The following HRH2 variants were observed in gnomAD, a reference collection of about 807,000 sequenced individuals.
HRH2 encodes histamine receptor H2.
Under a neutral mutation model 20.1 loss-of-function variants are expected in HRH2, and 4 were observed. The ratio of observed to expected loss-of-function variants is 0.20; its 90% confidence interval spans 0.10 to 0.45. The LOEUF is 0.45. HRH2 is among the 20% of genes least tolerant of loss of function. The probability of loss-of-function intolerance (pLI) is 0.99; values close to 1 mark genes in which losing one functional copy is unlikely to be tolerated. For synonymous variants in HRH2, 197 were observed against 200.7 expected (o/e 0.98, Z 0.16); for missense variants, 250 against 461.6 (o/e 0.54, Z 4.20).
chr5:175,706,298 A>T (rs968949437), intron 2 of HRH2, among the ~76,000 whole-genome samples: 1 of 152,244 alleles, frequency 6.6e-6, no homozygotes, highest in Non-Finnish European at 1.5e-5. Flanking sequence ...CATTTCATTT[A>T]AAAATATTTA....
chr5:175,709,520 AGCTGCG>A lies in HRH2; in HGVS notation c.*1550_*1555del, dbSNP rs1437413338. ...AGCGTGTCTGCAGCTGCGTGCCTGC[AGCTGCG>A]TGCCTGCCTTCTCCCTGCACCTGCT... is the stretch of plus-strand genomic sequence containing the variant. On this transcript the variant is annotated 3_prime_UTR_variant, in exon 3 of 3. Transcript: ENST00000636584. 1.4e-5 allele frequency: 2 copies of A among 141,102 alleles called. No homozygotes were observed. Among genetic ancestry groups the A allele is most frequent in the African/African-American group, 6.4e-5 (2 of 31,494 alleles). 8.7% of individuals were successfully genotyped at this position (141,102 alleles called of 1,614,324 possible).
intron 1 of HRH2, among the ~76,000 whole-genome samples, chr5:175,662,480 A>C (rs1469779485): frequency 6.6e-6 from 1 of 152,148 alleles, no homozygotes; most frequent in Non-Finnish European, 1.5e-5. Flanking sequence ...GCTGGAAGAG[A>C]AGAGCATTCC....
At chr5:175,676,329 G>C (rs776197881) in intron 1 of HRH2, among the ~76,000 whole-genome samples, 1 of 152,252 alleles carries the variant, frequency 6.6e-6, no homozygotes, top group South Asian at 2.1e-4. Context: ...ACGCCCGCAC[G>C]TGCACACACA....
rs1204025076 is a variant in HRH2, at chr5:175,687,031, T to C, written c.1076+2722T>C. ...AGGTGGTGCCTCCCAGGGTCATGCA[T>C]GCAGCCGTGGAGGCAGGGCCAGATC... On this transcript the variant is annotated intron_variant, in intron 2 of 2. Coordinates refer to ENST00000636584, the MANE Select transcript of HRH2 (RefSeq NM_001367711.1). This position sits in a 1 kb window ranked among gnomAD's most constrained non-coding sequence, Gnocchi z 5.2. Among the ~76,000 whole-genome samples the C allele has an allele frequency of 6.6e-6, 1 of 152,036 alleles. No individual in the cohort carries two copies. The highest frequency in any genetic ancestry group is 1.5e-5 in the Non-Finnish European group (1 of 67,980).
chr5:175,670,357 A>G (rs958105218), intron 1 of HRH2, among the ~76,000 whole-genome samples: 1 of 152,222 alleles, frequency 6.6e-6, no homozygotes, highest in Non-Finnish European at 1.5e-5. Flanking sequence ...AAAAAAATTG[A>G]TAAACATTGT....
Position 175,682,729 on chromosome 5 carries a change from C to G in HRH2, c.-505C>G, listed in dbSNP as rs74924665. 4.4e-3 allele frequency: 690 copies of G among 158,468 alleles called. 3 individuals are homozygous for G. Among genetic ancestry groups the G allele is most frequent in the Admixed American group, 9.5e-3 (157 of 16,478 alleles). The allele number at this position is 158,468 out of a possible 1,614,324, so 9.8% of individuals were successfully genotyped here. A position where few individuals can be genotyped will look rare whatever the true frequency, so the allele number is the denominator to read the frequency against. ...TTCAGCTCCTGCCCTCCACTGACTC[C>G]AGAGAGGGAGATCCCCAGTACTTGA... On this transcript the variant is annotated 5_prime_UTR_variant, in exon 2 of 3. Coordinates refer to ENST00000636584, the MANE Select transcript of HRH2 (RefSeq NM_001367711.1).
intron 2 of HRH2, chr5:175,685,611 C>A: frequency 1.3e-6 from 1 of 754,854 alleles, no homozygotes; most frequent in South Asian, 1.7e-5. Flanking sequence ...CTGGTCTCAG[C>A]TCTGCCGTCA....
In HRH2 at chr5:175,693,617, T is replaced by A. The variant is rs1161427158; in HGVS notation, c.1076+9308T>A. Among the ~76,000 whole-genome samples, 1 of 152,192 alleles carries A rather than the reference T, an allele frequency of 6.6e-6. No individual in the cohort carries two copies. The highest frequency in any genetic ancestry group is 1.9e-4 in the East Asian group (1 of 5,194). ...CCTTCTCATGCTGAATCTGGAGACG[T>A]AGAGTTTTAAAACTTACTGTGAAAA... On this transcript the variant is annotated intron_variant, in intron 2 of 2. Coordinates refer to ENST00000636584, the MANE Select transcript of HRH2 (RefSeq NM_001367711.1). This position sits in a 1 kb window ranked among gnomAD's most constrained non-coding sequence, Gnocchi z 4.4.
rs1755795066 is a variant in HRH2, at chr5:175,677,349, C to A, written c.-525-5360C>A. Among the ~76,000 whole-genome samples, 2 of 152,176 alleles carry A rather than the reference C, an allele frequency of 1.3e-5. No individual in the cohort carries two copies. Among genetic ancestry groups the A allele is most frequent in the South Asian group, 4.1e-4 (2 of 4,834 alleles). On this transcript the variant is annotated intron_variant, in intron 1 of 2. Coordinates refer to ENST00000636584, the MANE Select transcript of HRH2 (RefSeq NM_001367711.1). The surrounding 1 kb of genome is among the most constrained non-coding windows in gnomAD (Gnocchi z 4.2). ...GTAGGTTGATTCCATATCTTAGCTA[C>A]TGTGAATAGTGCTGTGAAAAACATG...
intron 1 of HRH2, among the ~76,000 whole-genome samples, chr5:175,665,275 GC>G (rs1413611027): frequency 2.6e-5 from 4 of 152,240 alleles, no homozygotes. Context: ...TACAGGAGCT[GC>G]AGGAGCTGGC....
At chr5:175,698,253 A>T (rs1028289728) in intron 2 of HRH2, among the ~76,000 whole-genome samples, 1 of 152,188 alleles carries the variant, frequency 6.6e-6, no homozygotes, top group African/African-American at 2.4e-5. Context: ...CCCTGCCCAG[A>T]TCATCTCCGT....
At chr5:175,685,258 C>T in intron 2 of HRH2, 1 of 618,888 alleles carries the variant, frequency 1.6e-6, no homozygotes, top group Non-Finnish European at 2.8e-6. Context: ...ACACCAAAGA[C>T]CTGAGTGGCA....
At chr5:175,675,746 G>A (rs1755734606) in intron 1 of HRH2, among the ~76,000 whole-genome samples, 1 of 152,172 alleles carries the variant, frequency 6.6e-6, no homozygotes, top group Non-Finnish European at 1.5e-5. Context: ...TTTGTGTGTT[G>A]TTCCCTCTGC....
At chr5:175,662,969 G>T (rs1012716600) in intron 1 of HRH2, among the ~76,000 whole-genome samples, 1 of 152,176 alleles carries the variant, frequency 6.6e-6, no homozygotes, top group Middle Eastern at 3.2e-3. Context: ...ATGTTTTTAA[G>T]GTTCATCCAT....
At chr5:175,701,991 G>A (rs76185815) in intron 2 of HRH2, among the ~76,000 whole-genome samples, 2,411 of 152,302 alleles carry the variant, frequency 0.016, 35 homozygotes, top group Middle Eastern at 0.027. Flanking sequence ...GTAGGTTGGT[G>A]CAAAAGTAAT....
chr5:175,688,877 C>T (rs1188093806), intron 2 of HRH2, among the ~76,000 whole-genome samples: 1 of 152,170 alleles, frequency 6.6e-6, no homozygotes, highest in African/African-American at 2.4e-5. Flanking sequence ...CTTTCCCCAC[C>T]CATTCTCTTG....
At chr5:175,658,523 G>A (rs1423639872) in intron 1 of HRH2, among the ~76,000 whole-genome samples, 1 of 152,164 alleles carries the variant, frequency 6.6e-6, no homozygotes, top group East Asian at 1.9e-4. Context: ...CACTTGCGCC[G>A]AAACAGTCCC....
At chr5:175,667,688 C>T (rs1001666244) in intron 1 of HRH2, among the ~76,000 whole-genome samples, 6 of 151,970 alleles carry the variant, frequency 3.9e-5, no homozygotes, top group African/African-American at 1.2e-4. Context: ...TAAGCATTTC[C>T]CCTCATTATT....
At chr5:175,672,301 CAT>C (rs969055521) in intron 1 of HRH2, among the ~76,000 whole-genome samples, 8 of 152,172 alleles carry the variant, frequency 5.3e-5, no homozygotes, top group Non-Finnish European at 1.2e-4. Flanking sequence ...TCTCTGAAAA[CAT>C]TGGCGATCCA....
Sources: gnomAD v4.1 joint callset for allele counts (sites outside exome capture counted in the v4.1 genomes callset) on GRCh38, gnomAD v4.1.1 for gene constraint, Gnocchi (gnomAD v3.1) non-coding constraint, MANE v1.5 for transcripts, NCBI Gene and HGNC (gene_info 2026-07-23, HGNC 2026-07-21) for gene names.